Variants in KNCN observed in about 807,000 individuals in gnomAD.
KNCN encodes the protein kinocilin.
In KNCN, 11 loss-of-function variants were observed where a neutral mutation model predicts 10.4. That is an observed-to-expected ratio of 1.06 (90% CI 0.67 to 1.75). The LOEUF (loss-of-function observed/expected upper bound fraction) is 1.75, where lower values mean the gene tolerates loss of function less well. Ranked by LOEUF, KNCN falls within the 40% of genes most tolerant of loss-of-function variation. KNCN has a pLI of 0.00. For missense variants in KNCN, 172 were observed against 167.1 expected (o/e 1.03, Z -0.16); for synonymous variants, 67 against 71.6 (o/e 0.94, Z 0.33).
In KNCN at chr1:46,551,275, A is replaced by G. The variant is rs1667061262; in HGVS notation, c.-60T>C. ...CAGTCTGGCCCCAGAAAAGTCCTGG[A>G]AGTTTCTGGGCTCTTGGATGTCTCC... On this transcript the variant is annotated 5_prime_UTR_variant, in exon 1 of 4. Coordinates refer to ENST00000481882, the MANE Select transcript of KNCN (RefSeq NM_001322255.2). This position sits in a 1 kb window ranked among gnomAD's most constrained non-coding sequence, Gnocchi z 4.0. The G allele has an allele frequency of 1.8e-5, 28 of 1,551,106 alleles. No homozygotes were observed. The highest frequency in any genetic ancestry group is 2.3e-5 in the Non-Finnish European group (27 of 1,154,270).
rs767853847 is a variant in KNCN, at chr1:46,551,123, G to T, written c.93C>A (p.Ile31=). 23 of 1,611,392 alleles carry T rather than the reference G, an allele frequency of 1.4e-5. No individual in the cohort carries two copies. Among genetic ancestry groups the T allele is most frequent in the East Asian group, 1.1e-4 (5 of 44,648 alleles). The change falls in exon 1 of 4, where the codon ATC becomes ATA. Residue 31 remains isoleucine, a synonymous_variant. Transcript: ENST00000481882. This position sits in a 1 kb window ranked among gnomAD's most constrained non-coding sequence, Gnocchi z 4.0. ...GLVAGSIIIG[I]SVSKAAAAMG... is the part of the protein sequence containing the mutation. ...TGGCAGCTGCAGCCTTGGATACGGA[G>T]ATGCCGATAATGATGCTGCCAGCCA... is the stretch of plus-strand genomic sequence containing the variant.
Position 46,549,366 on chromosome 1 carries a change from T to A in KNCN, c.221-99A>T, listed in dbSNP as rs1667019729. 9 of 789,060 alleles carry A rather than the reference T, an allele frequency of 1.1e-5. No individual in the cohort carries two copies. The South Asian group carries it at 1.7e-4, about 15-fold the overall frequency. 48.9% of individuals were successfully genotyped at this position (789,060 alleles called of 1,614,324 possible). On this transcript the variant is annotated intron_variant, in intron 2 of 3. Transcript: ENST00000481882. The stretch of plus-strand genomic sequence containing the variant: ...AGTCCTTCTTGCTATCTAGTCTCCA[T>A]CCCTGATGCTGTCTTTGCTCCACTG...
rs544104882 is a variant in KNCN at position 46,550,960 on chromosome 1, T to C, written c.151+105A>G. The C allele has an allele frequency of 5.2e-5, 59 of 1,141,032 alleles. No individual in the cohort carries two copies. The African/African-American group carries it at 9.1e-4, about 18-fold the overall frequency. The allele number at this position is 1,141,032 out of a possible 1,614,324, so 70.7% of individuals were successfully genotyped here. Reference sequence around the variant, plus strand: ...ACCTCTAGCTTCCGTTCTCCCCAGCTGATTCCTGCTGACCCAGCCCTTCCC... The same window carrying C: ...ACCTCTAGCTTCCGTTCTCCCCAGCCGATTCCTGCTGACCCAGCCCTTCCC... On this transcript the variant is annotated intron_variant, in intron 1 of 3. Transcript: ENST00000481882.
chr1:46,547,624 G>A lies in KNCN; in HGVS notation c.*106C>T, dbSNP rs1243854539. 4.6e-6 allele frequency: 4 copies of A among 868,034 alleles called. No homozygotes were observed. The highest frequency in any genetic ancestry group is 5.7e-6 in the Non-Finnish European group (3 of 522,580). 53.8% of individuals were successfully genotyped at this position (868,034 alleles called of 1,614,324 possible). ...TTCCCAGCCGCTCTGGGGTCTGCAG[G>A]GCCTGGCTTGTCTCCGGTCCGGGTC... On this transcript the variant is annotated 3_prime_UTR_variant, in exon 4 of 4. Transcript: ENST00000481882.
chr1:46,548,912 G>A (rs1221412907), intron 3 of KNCN, among the ~76,000 whole-genome samples: 5 of 152,172 alleles, frequency 3.3e-5, no homozygotes, highest in East Asian at 1.9e-4. Context: ...AGGCCGAGGC[G>A]GGTGGATCAC....
chr1:46,550,062 G>A lies in KNCN; in HGVS notation c.152-60C>T. ...GGAGCCTGGTGAGTGTTGAGGCTGT[G>A]GGTGGGCTGGGAGCCTGAGGGGTGG... On this transcript the variant is annotated intron_variant, in intron 1 of 3. Coordinates refer to ENST00000481882, the MANE Select transcript of KNCN (RefSeq NM_001322255.2). The A allele has an allele frequency of 3.2e-6, 5 of 1,549,716 alleles. No homozygotes were observed. In the South Asian group the frequency reaches 6.0e-5, roughly 18 times the overall value.
Position 46,551,073 on chromosome 1 carries a change from G to A in KNCN, c.143C>T (p.Ala48Val). Residue 48 changes from alanine (A) to valine (V), a missense_variant, in exon 1 of 4, where the codon GCT becomes GTT. Transcript: ENST00000481882. The surrounding 1 kb of genome is among the most constrained non-coding windows in gnomAD (Gnocchi z 4.0). ...AAMGGVFIGAAVLGLLILAYP... is the reference protein window; with the variant it reads ...AAMGGVFIGAVVLGLLILAYP... ...GCCCAGCCCCTGCTCACCCAGAACAGCAGCGCCAATAAAGACACCGCCCAT... is the reference window on the plus strand; with the variant it reads ...GCCCAGCCCCTGCTCACCCAGAACAACAGCGCCAATAAAGACACCGCCCAT... 6.3e-7 allele frequency: 1 copy of A among 1,598,164 alleles called. No homozygotes were observed. The highest frequency in any genetic ancestry group is 8.5e-7 in the Non-Finnish European group (1 of 1,172,114).
At chr1:46,547,963 G>C (rs2148507723) in intron 3 of KNCN, among the ~76,000 whole-genome samples, 154 bp from the exon 4 acceptor site, 1 of 152,214 alleles carries the variant, frequency 6.6e-6, no homozygotes, top group East Asian at 1.9e-4. Context: ...CATCCCAGGG[G>C]ACAGTTTCAG....
chr1:46,549,034 G>T (rs746328102), intron 3 of KNCN, among the ~76,000 whole-genome samples, 159 bp downstream of exon 3: 1 of 152,024 alleles, frequency 6.6e-6, no homozygotes, highest in Non-Finnish European at 1.5e-5. Context: ...CCAGCTGCTC[G>T]GGAGGCTGAG....
At position 46,547,634 on chromosome 1, in the gene KNCN, G is replaced by A. The variant is rs1426988745; in HGVS notation, c.*96C>T. 7.2e-6 allele frequency: 7 copies of A among 966,054 alleles called. No individual in the cohort carries two copies. The highest frequency in any genetic ancestry group is 2.0e-5 in the Admixed American group (1 of 50,150). The allele number at this position is 966,054 out of a possible 1,614,324, so 59.8% of individuals were successfully genotyped here. A position where few individuals can be genotyped will look rare whatever the true frequency, so the allele number is the denominator to read the frequency against. On this transcript the variant is annotated 3_prime_UTR_variant, in exon 4 of 4. Transcript: ENST00000481882. ...CTCTGGGGTCTGCAGGGCCTGGCTT[G>A]TCTCCGGTCCGGGTCTCCTAACCCA... is the stretch of plus-strand genomic sequence containing the variant.
chr1:46,549,857 G>A, intron 2 of KNCN, 77 bp downstream of exon 2: 1 of 1,548,948 alleles, frequency 6.5e-7, no homozygotes, highest in Non-Finnish European at 8.7e-7. Context: ...GCCACACAGT[G>A]GGTCACAGAC....
rs539443691 is a variant in KNCN at position 46,547,743 on chromosome 1, GC to G, written c.361del (p.Ala121LeufsTer111). ...TCAGACTTTGCCTCAGCATTCCTCA[GC>G]CCCCCGGGTCCCCGGCTTCAGCTTC... The part of the protein sequence containing the change: ...LEKLKPGTRG[A>X]EEC On this transcript the variant is annotated frameshift_variant, in exon 4 of 4. Coordinates refer to ENST00000481882, the MANE Select transcript of KNCN (RefSeq NM_001322255.2). LOFTEE classifies it high-confidence loss of function. The G allele has an allele frequency of 4.0e-6, 6 of 1,489,722 alleles. No homozygotes were observed. Among genetic ancestry groups the G allele is most frequent in the African/African-American group, 1.4e-5 (1 of 71,088 alleles). 92.3% of individuals were successfully genotyped at this position (1,489,722 alleles called of 1,614,324 possible). A position where few individuals can be genotyped will look rare whatever the true frequency, so the allele number is the denominator to read the frequency against.
chr1:46,547,828 A>T lies in KNCN; in HGVS notation c.296-19T>A, dbSNP rs1666980225. The T allele has an allele frequency of 1.5e-5, 22 of 1,445,212 alleles. No homozygotes were observed. The highest frequency in any genetic ancestry group is 1.8e-5 in the Non-Finnish European group (20 of 1,095,222). 89.5% of individuals were successfully genotyped at this position (1,445,212 alleles called of 1,614,324 possible). A position where few individuals can be genotyped will look rare whatever the true frequency, so the allele number is the denominator to read the frequency against. On this transcript the variant is annotated intron_variant, in intron 3 of 3. Transcript: ENST00000481882. ...CGGGCTCCTGGGGGAGAGAACAGGG[A>T]CGAGGACTGCCTCCGTAGACAGGTC...
rs1369322308 is a variant in KNCN at position 46,549,967 on chromosome 1, G to C, written c.187C>G (p.Arg63Gly). The C allele has an allele frequency of 6.4e-7, 1 of 1,550,652 alleles. No homozygotes were observed. The highest frequency in any genetic ancestry group is 8.7e-7 in the Non-Finnish European group (1 of 1,146,994). ...GGCAGGATGTGGTCCAGGTTGAACC[G>C]AGCCTTCAGGAAGGGGTAGGCCAAG... Reference protein sequence around the residue: ...LILAYPFLKARFNLDHILPTI... With the variant: ...LILAYPFLKAGFNLDHILPTI... The change falls in exon 2 of 4, where the codon CGG becomes GGG. Residue 63 changes from arginine (R) to glycine (G), a missense_variant. Physicochemically the swap from Arg to Gly is moderately radical, Grantham distance 125 (BLOSUM62 -2). Coordinates refer to ENST00000481882, the MANE Select transcript of KNCN (RefSeq NM_001322255.2).
intron 1 of KNCN, among the ~76,000 whole-genome samples, chr1:46,550,749 G>A (rs544063783): frequency 2.6e-4 from 39 of 152,218 alleles, no homozygotes; most frequent in African/African-American, 7.7e-4. Context: ...CCCCTGTTCC[G>A]CCCAGATAGG....
rs1315258580 is a variant in KNCN, at chr1:46,546,000, G to C, written c.*1730C>G. On this transcript the variant is annotated 3_prime_UTR_variant, in exon 4 of 4. Transcript: ENST00000481882. ...GGTGGAGAGGAGGGCAGTTCAAAGAGAGGAAGTTGCTTCTCTCAGCTGAAG... is the reference window on the plus strand; with the variant it reads ...GGTGGAGAGGAGGGCAGTTCAAAGACAGGAAGTTGCTTCTCTCAGCTGAAG... The C allele has an allele frequency of 6.6e-6, 1 of 152,352 alleles. No homozygotes were observed. Among genetic ancestry groups the C allele is most frequent in the Admixed American group, 6.5e-5 (1 of 15,290 alleles). 9.4% of individuals were successfully genotyped at this position (152,352 alleles called of 1,614,324 possible). A position where few individuals can be genotyped will look rare whatever the true frequency, so the allele number is the denominator to read the frequency against.
In KNCN at chr1:46,547,560, T is replaced by C. The variant is rs1430113304; in HGVS notation, c.*170A>G. 1.4e-6 allele frequency: 1 copy of C among 715,538 alleles called. No homozygotes were observed. The highest frequency in any genetic ancestry group is 2.7e-5 in the East Asian group (1 of 37,248). 44.3% of individuals were successfully genotyped at this position (715,538 alleles called of 1,614,324 possible). A position where few individuals can be genotyped will look rare whatever the true frequency, so the allele number is the denominator to read the frequency against. ...CCAGTGGAATCCATTTTGGAGAGGC[T>C]TGGCCGGGCGAGTGCAAAAGGCCCC... On this transcript the variant is annotated 3_prime_UTR_variant, in exon 4 of 4. Coordinates refer to ENST00000481882, the MANE Select transcript of KNCN (RefSeq NM_001322255.2).
At chr1:46,548,413 AC>A (rs1666991790) in intron 3 of KNCN, among the ~76,000 whole-genome samples, 1 of 152,050 alleles carries the variant, frequency 6.6e-6, no homozygotes, top group Non-Finnish European at 1.5e-5. Context: ...TAAAGCTAGT[AC>A]CCAAAGCTGG....
chr1:46,548,038 T>G (rs1194724477), intron 3 of KNCN, among the ~76,000 whole-genome samples: 1 of 151,700 alleles, frequency 6.6e-6, no homozygotes, highest in Non-Finnish European at 1.5e-5. Context: ...AGGCCGGGGG[T>G]AGAGGCGGGA....
Sources: gnomAD v4.1 joint callset for allele counts (sites outside exome capture counted in the v4.1 genomes callset) on GRCh38, gnomAD v4.1.1 for gene constraint, Gnocchi (gnomAD v3.1) non-coding constraint, MANE v1.5 for transcripts, NCBI Gene and HGNC (gene_info 2026-07-23, HGNC 2026-07-21) for gene names.